Variants in ADGRL3 observed in about 807,000 individuals in gnomAD.
The protein encoded by ADGRL3 is calcium-independent alpha-latrotoxin receptor 3.
ADGRL3 carries 62 observed loss-of-function variants against 153.5 expected under a neutral mutation model. The ratio of observed to expected loss-of-function variants is 0.40; its 90% CI spans 0.33 to 0.50. The LOEUF is 0.50. ADGRL3 is among the 20% of genes least tolerant of loss of function. ADGRL3 has a pLI of 0.47. For missense variants in ADGRL3, 1,641 were observed against 1,859.4 expected, an observed-to-expected ratio of 0.88 and a Z score of 2.16; for synonymous variants, 710 against 672.5, an observed-to-expected ratio of 1.06 and a Z score of -0.86.
At chr4:61,521,042 A>T (rs1375075406) in intron 4 of ADGRL3, among the ~76,000 whole-genome samples, 1 of 152,126 alleles carries the variant, frequency 6.6e-6, no homozygotes, top group Non-Finnish European at 1.5e-5. Context: ...CTAATTACTC[A>T]TGTCACTAGT....
chr4:61,373,777 A>C (rs990732478), intron 1 of ADGRL3, among the ~76,000 whole-genome samples: 53 of 152,304 alleles, frequency 3.5e-4, no homozygotes, highest in African/African-American at 1.3e-3. Context: ...CTGTGGATGC[A>C]TTAACTTTTT....
chr4:61,749,246 T>G (rs2096718279), intron 8 of ADGRL3, among the ~76,000 whole-genome samples: 1 of 151,694 alleles, frequency 6.6e-6, no homozygotes, highest in Non-Finnish European at 1.5e-5. Context: ...ATAGGAACAC[T>G]TTTACACTGT....
intron 21 of ADGRL3, among the ~76,000 whole-genome samples, chr4:62,011,620 C>T (rs1414789885): frequency 6.6e-6 from 1 of 151,940 alleles, no homozygotes; most frequent in Non-Finnish European, 1.5e-5. Flanking sequence ...TTCTCAAATC[C>T]AAAGGCATCA....
At chr4:61,291,812 A>T (rs762123292) in intron 1 of ADGRL3, among the ~76,000 whole-genome samples, 1 of 148,452 alleles carries the variant, frequency 6.7e-6, no homozygotes, top group Admixed American at 6.9e-5. Flanking sequence ...GACGTTCTAT[A>T]TGCGAAGAAG....
chr4:61,766,111 C>T (rs914226823), intron 8 of ADGRL3, among the ~76,000 whole-genome samples: 1 of 151,880 alleles, frequency 6.6e-6, no homozygotes, highest in African/African-American at 2.4e-5. Flanking sequence ...GGGTTAATGT[C>T]AGGTGGATCA....
chr4:61,561,831 G>A (rs1269756766), intron 4 of ADGRL3, among the ~76,000 whole-genome samples: 1 of 151,902 alleles, frequency 6.6e-6, no homozygotes, highest in Non-Finnish European at 1.5e-5. Context: ...GGAGGGATGA[G>A]TCCTCACTAT....
At chr4:61,979,190 A>G (rs1429557639) in intron 17 of ADGRL3, among the ~76,000 whole-genome samples, 1 of 152,214 alleles carries the variant, frequency 6.6e-6, no homozygotes, top group Non-Finnish European at 1.5e-5. Context: ...AGTATTCCCT[A>G]CTGGAGATGG....
At chr4:61,541,060 T>C (rs2098687678) in intron 4 of ADGRL3, among the ~76,000 whole-genome samples, 1 of 152,156 alleles carries the variant, frequency 6.6e-6, no homozygotes. Flanking sequence ...GACACTGTTA[T>C]CAGAGGCAGG....
chr4:61,330,798 T>TGGG (rs2095557016), intron 1 of ADGRL3, among the ~76,000 whole-genome samples: 1 of 152,110 alleles, frequency 6.6e-6, no homozygotes, highest in Admixed American at 6.5e-5. Context: ...TCCCCACCCA[T>TGGG]GGTCTGCTGA....
intron 8 of ADGRL3, among the ~76,000 whole-genome samples, chr4:61,738,985 G>A (rs956764419): frequency 6.6e-6 from 1 of 151,952 alleles, no homozygotes; most frequent in Non-Finnish European, 1.5e-5. Context: ...ATTACTTTTG[G>A]AACACTATCC....
At chr4:62,061,608 T>C (rs1487164050) in intron 25 of ADGRL3, among the ~76,000 whole-genome samples, 3 of 152,126 alleles carry the variant, frequency 2.0e-5, no homozygotes, top group Non-Finnish European at 4.4e-5. Flanking sequence ...AATACTCACT[T>C]ACCTCCATCC....
At chr4:61,273,282 C>G (rs986947221) in intron 1 of ADGRL3, among the ~76,000 whole-genome samples, 1 of 152,120 alleles carries the variant, frequency 6.6e-6, no homozygotes, top group Admixed American at 6.6e-5. Flanking sequence ...TCTGTTTTCC[C>G]TAAGTACGGT....
intron 17 of ADGRL3, among the ~76,000 whole-genome samples, chr4:61,964,485 C>CA (rs1194580041): frequency 6.6e-6 from 1 of 151,978 alleles, no homozygotes; most frequent in African/African-American, 2.4e-5. Flanking sequence ...CAGTGCTTTG[C>CA]CTTGGGTTTA....
chr4:61,931,844 AT>A (rs1435052838), intron 13 of ADGRL3, among the ~76,000 whole-genome samples: 1 of 152,140 alleles, frequency 6.6e-6, no homozygotes, highest in East Asian at 1.9e-4. Context: ...CTATGAAAAA[AT>A]ATTGCACCTT....
intron 8 of ADGRL3, among the ~76,000 whole-genome samples, chr4:61,735,853 C>T (rs1187063615): frequency 6.6e-6 from 1 of 152,122 alleles, no homozygotes; most frequent in Non-Finnish European, 1.5e-5. Flanking sequence ...GTTCTTAACT[C>T]AGTTTTATTA....
At chr4:61,500,090 A>G (rs371462868) in intron 3 of ADGRL3, among the ~76,000 whole-genome samples, 8 of 151,602 alleles carry the variant, frequency 5.3e-5, no homozygotes, top group Admixed American at 2.0e-4. Context: ...TCTTAGAAGT[A>G]TTAAATCAAT....
At chr4:61,222,613 C>T (rs1162153632) in intron 1 of ADGRL3, among the ~76,000 whole-genome samples, 1 of 152,076 alleles carries the variant, frequency 6.6e-6, no homozygotes, top group African/African-American at 2.4e-5. Flanking sequence ...TAATTTCAAG[C>T]TCCATTGGAA....
intron 5 of ADGRL3, among the ~76,000 whole-genome samples, chr4:61,625,371 T>G (rs903619614): frequency 6.6e-6 from 1 of 152,084 alleles, no homozygotes; most frequent in African/African-American, 2.4e-5. Context: ...TGTATAAATA[T>G]TAGATGCTTT....
chr4:61,682,931 G>T (rs1020409137), intron 6 of ADGRL3, among the ~76,000 whole-genome samples: 1 of 152,072 alleles, frequency 6.6e-6, no homozygotes, highest in Admixed American at 6.6e-5. Context: ...CGTCCTTCAA[G>T]GAGTTCAGTC....
Sources: allele counts gnomAD v4.1 joint callset (sites outside exome capture counted in the v4.1 genomes callset), GRCh38; gene constraint gnomAD v4.1.1; transcripts MANE v1.5; gene names NCBI Gene and HGNC (gene_info 2026-07-23, HGNC 2026-07-21).